The following CNTN4 variants were observed in gnomAD, a reference collection of about 807,000 sequenced individuals.
CNTN4 encodes contactin 4.
Under a neutral mutation model 122.5 loss-of-function variants are expected in CNTN4, and 77 were observed. The ratio of observed to expected loss-of-function variants is 0.63; its 90% CI spans 0.52 to 0.76. The LOEUF (loss-of-function observed/expected upper bound fraction) is 0.76. Ranked by LOEUF, CNTN4 falls within the 30% of genes least tolerant of loss-of-function variation. The probability of loss-of-function intolerance (pLI) is 0.00; values close to 1 mark genes in which losing one functional copy is unlikely to be tolerated. For synonymous variants in CNTN4, 512 were observed against 447.0 expected, an observed-to-expected ratio of 1.15 and a Z score of -1.83; for missense variants, 1,256 against 1,259.1, an observed-to-expected ratio of 1.00 and a Z score of 0.04.
intron 13 of CNTN4, among the ~76,000 whole-genome samples, chr3:2,934,727 G>T (rs1026906034): frequency 1.3e-5 from 2 of 152,160 alleles, no homozygotes; most frequent in African/African-American, 4.8e-5. Context: ...TTCTGCCCTG[G>T]GGAACAATTA....
chr3:2,456,411 C>T (rs1278211724), intron 3 of CNTN4, among the ~76,000 whole-genome samples: 2 of 152,082 alleles, frequency 1.3e-5, no homozygotes, highest in African/African-American at 4.8e-5. Context: ...AATTCAGTGG[C>T]ATTTAGTACG....
chr3:2,742,926 A>G (rs567152476), intron 5 of CNTN4, among the ~76,000 whole-genome samples: 1 of 152,362 alleles, frequency 6.6e-6, no homozygotes, highest in East Asian at 1.9e-4. Context: ...AGCGCTTTGT[A>G]ATAGAGACTC....
intron 2 of CNTN4, among the ~76,000 whole-genome samples, chr3:2,196,868 A>T (rs1430179115): frequency 6.6e-6 from 1 of 151,956 alleles, no homozygotes; most frequent in Non-Finnish European, 1.5e-5. Context: ...AACATGGAGA[A>T]ACCTCGTCTC....
intron 3 of CNTN4, among the ~76,000 whole-genome samples, chr3:2,393,773 T>C (rs1165811604): frequency 1.3e-5 from 2 of 152,110 alleles, no homozygotes; most frequent in Non-Finnish European, 2.9e-5. Flanking sequence ...GAAAGAATCA[T>C]TGTAAGTCCA....
intron 4 of CNTN4, among the ~76,000 whole-genome samples, chr3:2,588,579 C>T (rs1355535262): frequency 6.6e-6 from 1 of 151,884 alleles, no homozygotes; most frequent in African/African-American, 2.4e-5. Flanking sequence ...GTTGGCCAGA[C>T]TGGTCTTGAA....
intron 3 of CNTN4, among the ~76,000 whole-genome samples, chr3:2,361,047 G>A (rs2045113907): frequency 6.6e-6 from 1 of 152,142 alleles, no homozygotes; most frequent in African/African-American, 2.4e-5. Flanking sequence ...CTTTTCTTAA[G>A]CAGTTCATAA....
chr3:2,838,972 C>A (rs533722413), intron 7 of CNTN4, among the ~76,000 whole-genome samples: 66 of 152,158 alleles, frequency 4.3e-4, no homozygotes, highest in Admixed American at 1.4e-3. Flanking sequence ...AAAACTAAAG[C>A]AGGTAGATTA....
At chr3:2,474,802 C>G (rs1300471417) in intron 3 of CNTN4, among the ~76,000 whole-genome samples, 1 of 152,134 alleles carries the variant, frequency 6.6e-6, no homozygotes, top group African/African-American at 2.4e-5. Flanking sequence ...GAATCCATAT[C>G]TCAGGTAGTT....
intron 12 of CNTN4, among the ~76,000 whole-genome samples, chr3:2,907,279 AG>A (rs1478157832): frequency 1.3e-5 from 2 of 152,194 alleles, no homozygotes; most frequent in African/African-American, 4.8e-5. Context: ...TCTCTTGTTA[AG>A]ATTATCTCTT....
chr3:2,227,725 A>G (rs2039339817), intron 2 of CNTN4, among the ~76,000 whole-genome samples: 1 of 152,132 alleles, frequency 6.6e-6, no homozygotes, highest in South Asian at 2.1e-4. Flanking sequence ...AACTGTAGAA[A>G]TATGGTGTTT....
At chr3:2,822,226 A>G (rs1307844870) in intron 7 of CNTN4, among the ~76,000 whole-genome samples, 2 of 152,148 alleles carry the variant, frequency 1.3e-5, no homozygotes, top group African/African-American at 2.4e-5. Flanking sequence ...CTGAATTTGG[A>G]CTCTGGGATA....
At chr3:2,221,699 A>G (rs1349509374) in intron 2 of CNTN4, among the ~76,000 whole-genome samples, 1 of 152,126 alleles carries the variant, frequency 6.6e-6, no homozygotes, top group East Asian at 1.9e-4. Context: ...TTCAACAATA[A>G]CAAGAATAAT....
intron 4 of CNTN4, among the ~76,000 whole-genome samples, chr3:2,614,059 A>G (rs1309031091): frequency 6.6e-6 from 1 of 152,228 alleles, no homozygotes. Context: ...AGAGAAGTCA[A>G]CAAAAACAAA....
chr3:2,969,414 T>A (rs1054541701), intron 13 of CNTN4, among the ~76,000 whole-genome samples: 1 of 152,172 alleles, frequency 6.6e-6, no homozygotes, highest in Non-Finnish European at 1.5e-5. Context: ...TTTGGCCATG[T>A]CTGTGTCACA....
chr3:3,047,397 T>C (rs897071173), intron 23 of CNTN4, among the ~76,000 whole-genome samples: 4 of 152,108 alleles, frequency 2.6e-5, no homozygotes, highest in African/African-American at 9.7e-5. Context: ...CCTCAGCAAA[T>C]GTAAAAGAAT....
intron 3 of CNTN4, among the ~76,000 whole-genome samples, chr3:2,419,953 A>G (rs2047554594): frequency 6.6e-6 from 1 of 152,178 alleles, no homozygotes; most frequent in Non-Finnish European, 1.5e-5. Context: ...TTAGTTACAG[A>G]TCGAATTGTC....
At chr3:2,761,987 A>G (rs2222104) in intron 6 of CNTN4, among the ~76,000 whole-genome samples, 1 of 151,928 alleles carries the variant, frequency 6.6e-6, no homozygotes, top group African/African-American at 2.4e-5. Flanking sequence ...TAAATATTTA[A>G]TGAATACCAA....
intron 14 of CNTN4, among the ~76,000 whole-genome samples, chr3:3,015,503 A>T (rs895719188): frequency 6.6e-6 from 1 of 152,192 alleles, no homozygotes; most frequent in African/African-American, 2.4e-5. Flanking sequence ...CGGTGACCTC[A>T]TCTCAAATCT....
chr3:2,200,868 T>A lies in CNTN4; in HGVS notation c.-145+100229T>A, dbSNP rs2177340. On this transcript the variant is annotated intron_variant, in intron 2 of 24. Transcript: ENST00000418658. ...AGAGAAGCAGAGAAGAATTGAAAAT[T>A]TGGGCTTCAAGAATTTTTTTGACTC... Among the ~76,000 whole-genome samples, 6 of 152,226 alleles carry A rather than the reference T, an allele frequency of 3.9e-5. No homozygotes were observed. In the South Asian group the frequency reaches 1.2e-3, roughly 32 times the overall value.
Sources: allele counts gnomAD v4.1 joint callset (sites outside exome capture counted in the v4.1 genomes callset), GRCh38; gene constraint gnomAD v4.1.1; transcripts MANE v1.5; gene names NCBI Gene and HGNC (gene_info 2026-07-23, HGNC 2026-07-21).